The following FRMD5 variants were observed in gnomAD, a reference collection of about 807,000 sequenced individuals.
FRMD5 encodes the protein FERM domain containing 5, also known as FERM domain-containing protein 5.
FRMD5 carries 20 observed loss-of-function variants against 69.0 expected under a neutral mutation model. The ratio of observed to expected loss-of-function variants is 0.29; its 90% CI spans 0.20 to 0.42. The LOEUF is 0.42. Among genes scored for constraint, FRMD5 ranks in the 10% least tolerant of loss-of-function variants. The probability of loss-of-function intolerance (pLI) is 1.00; values close to 1 mark genes in which losing one functional copy is unlikely to be tolerated. For missense variants in FRMD5, 595 were observed against 708.6 expected, an observed-to-expected ratio of 0.84 and a Z score of 1.82; for synonymous variants, 271 against 260.1, an observed-to-expected ratio of 1.04 and a Z score of -0.40.
At chr15:43,900,959 A>G (rs540706027) in intron 7 of FRMD5, among the ~76,000 whole-genome samples, 1 of 152,268 alleles carries the variant, frequency 6.6e-6, no homozygotes, top group East Asian at 1.9e-4. Context: ...TCAAAAATTC[A>G]TATGTTGACA....
chr15:44,027,829 A>T (rs1473809509), intron 1 of FRMD5, among the ~76,000 whole-genome samples: 1 of 151,900 alleles, frequency 6.6e-6, no homozygotes, highest in Non-Finnish European at 1.5e-5. Flanking sequence ...TATTTTTAGT[A>T]GGGACAGGGT....
intron 1 of FRMD5, among the ~76,000 whole-genome samples, chr15:43,988,397 G>T (rs1889502522): frequency 6.6e-6 from 1 of 151,742 alleles, no homozygotes; most frequent in Non-Finnish European, 1.5e-5. Flanking sequence ...TTTAAGGAAG[G>T]TATGTGCATT....
At chr15:44,178,130 T>A (rs1170618335) in intron 1 of FRMD5, among the ~76,000 whole-genome samples, 1 of 152,112 alleles carries the variant, frequency 6.6e-6, no homozygotes, top group Non-Finnish European at 1.5e-5. Flanking sequence ...GAGACCAGCC[T>A]GGCCAACATA....
intron 1 of FRMD5, among the ~76,000 whole-genome samples, chr15:44,117,633 C>T (rs1054613947): frequency 6.6e-6 from 1 of 152,154 alleles, no homozygotes; most frequent in Non-Finnish European, 1.5e-5. Context: ...ACTGAGATTC[C>T]TTTTAAATTC....
chr15:43,990,096 G>A (rs1436312863), intron 1 of FRMD5: 3 of 668,078 alleles, frequency 4.5e-6, no homozygotes, highest in Non-Finnish European at 8.5e-6. Flanking sequence ...AGGGGAAGAT[G>A]GCCCGGGGTG....
intron 4 of FRMD5, chr15:43,919,027 G>A (rs912313700): frequency 1.4e-5 from 4 of 293,734 alleles, no homozygotes; most frequent in African/African-American, 4.4e-5. Context: ...TAAATCTTCA[G>A]TATCTCCCAG....
intron 1 of FRMD5, among the ~76,000 whole-genome samples, chr15:44,159,060 T>C (rs1428968868): frequency 1.3e-5 from 2 of 151,502 alleles, no homozygotes; most frequent in East Asian, 3.8e-4. Flanking sequence ...AGAGAGATCC[T>C]TAGGAGGAAC....
chr15:43,874,904 A>G (rs2088285778), intron 13 of FRMD5, among the ~76,000 whole-genome samples: 1 of 151,476 alleles, frequency 6.6e-6, no homozygotes, highest in African/African-American at 2.4e-5. Context: ...ATTCCATCTT[A>G]AAAAAAAGAA....
chr15:44,081,946 C>T (rs943518463), intron 1 of FRMD5, among the ~76,000 whole-genome samples: 1 of 151,970 alleles, frequency 6.6e-6, no homozygotes, highest in East Asian at 1.9e-4. Flanking sequence ...ACACCAATAT[C>T]CTAAGGCCTT....
intron 13 of FRMD5, chr15:43,879,769 A>G (rs958302856): frequency 1.2e-4 from 47 of 397,936 alleles, no homozygotes; most frequent in Non-Finnish European, 3.1e-5. Context: ...AAAGATGGAA[A>G]GCCAACTAGG....
chr15:44,183,471 A>G (rs2078045505), intron 1 of FRMD5, among the ~76,000 whole-genome samples: 2 of 152,216 alleles, frequency 1.3e-5, no homozygotes, highest in South Asian at 2.1e-4. Context: ...GGGAAGCCAG[A>G]GAATAGAATG....
At position 44,165,278 on chromosome 15, in the gene FRMD5, G is replaced by C. The variant is rs139207511; in HGVS notation, c.102+29675C>G. ...TACTAAAAATACAAAAATTAGCTGG[G>C]TGTGGTGGTGGCACACGCCTGTAAT... On this transcript the variant is annotated intron_variant, in intron 1 of 13. Transcript: ENST00000417257. 4.0e-3 allele frequency among the ~76,000 whole-genome samples: 602 copies of C among 152,168 alleles called. 5 individuals carry two copies. Among genetic ancestry groups the C allele is most frequent in the African/African-American group, 0.014 (563 of 41,526 alleles).
chr15:44,106,374 A>C (rs1375494445), intron 1 of FRMD5, among the ~76,000 whole-genome samples: 1 of 152,136 alleles, frequency 6.6e-6, no homozygotes, highest in African/African-American at 2.4e-5. Context: ...TCCCTGCCAT[A>C]TCTCCAGCCT....
chr15:44,183,913 C>T (rs926284280), intron 1 of FRMD5, among the ~76,000 whole-genome samples: 6 of 150,960 alleles, frequency 4.0e-5, no homozygotes, highest in Admixed American at 1.3e-4. Flanking sequence ...ACCCAGGATG[C>T]GGAGGTTGCA....
intron 1 of FRMD5, among the ~76,000 whole-genome samples, chr15:44,115,795 T>C (rs1595480905): frequency 6.6e-6 from 1 of 152,178 alleles, no homozygotes; most frequent in Admixed American, 6.5e-5. Flanking sequence ...TAAACATTTG[T>C]AGGAAAAAAC....
intron 1 of FRMD5, chr15:44,063,999 C>A: frequency 8.8e-6 from 2 of 227,526 alleles, no homozygotes; most frequent in South Asian, 1.4e-4. Context: ...TGGCCAAGGT[C>A]ATCCATGACA....
At chr15:44,095,802 C>A (rs2076543091) in intron 1 of FRMD5, among the ~76,000 whole-genome samples, 1 of 152,194 alleles carries the variant, frequency 6.6e-6, no homozygotes, top group Non-Finnish European at 1.5e-5. Context: ...TGCCCTAGTC[C>A]TTCCAACTGT....
chr15:44,195,006 A>G lies in FRMD5; in HGVS notation c.49T>C (p.Tyr17His). 1 of 1,560,406 alleles carries G rather than the reference A, an allele frequency of 6.4e-7. No individual in the cohort carries two copies. The highest frequency in any genetic ancestry group is 2.4e-5 in the East Asian group (1 of 41,262). The change falls in exon 1 of 14, where the codon TAC (tyrosine) becomes CAC (histidine). Residue 17 changes from tyrosine to histidine, a missense_variant. Transcript: ENST00000417257. The stretch of plus-strand genomic sequence containing the variant: ...TCCAGCAGCCGCACGGTGCAGCTGT[A>G]CTCGCGCTCCAGGCTCCTGCTGCTG... ...SGSSRSLERE[Y>H]SCTVRLLDDS...
chr15:44,033,371 C>T (rs1891771126), intron 1 of FRMD5, among the ~76,000 whole-genome samples: 1 of 151,988 alleles, frequency 6.6e-6, no homozygotes, highest in Non-Finnish European at 1.5e-5. Context: ...AAAACCTTCA[C>T]ATGTGCCTCC....
Sources: gnomAD v4.1 joint callset for allele counts (sites outside exome capture counted in the v4.1 genomes callset) on GRCh38, gnomAD v4.1.1 for gene constraint, MANE v1.5 for transcripts, NCBI Gene and HGNC (gene_info 2026-07-23, HGNC 2026-07-21) for gene names.